Variants in BRD9 observed in about 807,000 individuals in gnomAD.
The protein encoded by BRD9 is bromodomain-containing protein 9.
In BRD9, 47 loss-of-function variants were observed where a neutral mutation model predicts 68.7. That is an observed-to-expected ratio of 0.68 (90% CI 0.54 to 0.87). The LOEUF (loss-of-function observed/expected upper bound fraction) is 0.87, where lower values mean the gene tolerates loss of function less well. Among genes scored for constraint, BRD9 ranks in the 40% least tolerant of loss-of-function variants. The pLI is 0.00. For synonymous variants in BRD9, 313 were observed against 293.9 expected, an observed-to-expected ratio of 1.06 and a Z score of -0.67; for missense variants, 670 against 748.4, an observed-to-expected ratio of 0.90 and a Z score of 1.22.
At chr5:889,553 C>G in intron 4 of BRD9, 34 bp downstream of exon 4, 5 of 1,610,366 alleles carry the variant, frequency 3.1e-6, no homozygotes, top group African/African-American at 1.3e-5. Context: ...CACACCCCCC[C>G]AGACACTAGC....
At chr5:891,094 A>G in intron 3 of BRD9, 61 bp downstream of exon 3, 2 of 1,490,076 alleles carry the variant, frequency 1.3e-6, no homozygotes, top group Non-Finnish European at 1.8e-6. Context: ...CACGGTGCCG[A>G]CCCCTCATTT....
At chr5:865,205 T>C (rs961987099) in intron 15 of BRD9, among the ~76,000 whole-genome samples, 1 of 152,232 alleles carries the variant, frequency 6.6e-6, no homozygotes. Context: ...TAACCCAGCG[T>C]GCGGCCAGGC....
At chr5:891,014 G>T in intron 3 of BRD9, 141 bp downstream of exon 3, 1 of 1,097,924 alleles carries the variant, frequency 9.1e-7, no homozygotes, top group Non-Finnish European at 1.2e-6. Flanking sequence ...TCAGGCCAGA[G>T]GACACCTGGG....
At chr5:892,426 A>C (rs1285573213) in intron 1 of BRD9, 180 bp downstream of exon 1, 1 of 1,346,262 alleles carries the variant, frequency 7.4e-7, no homozygotes, top group Non-Finnish European at 9.7e-7. Context: ...CCTACCCAGG[A>C]CCCCTCACGT....
chr5:887,261 G>A lies in BRD9; in HGVS notation c.717+100C>T. On this transcript the variant is annotated intron_variant, in intron 6 of 15. Coordinates refer to ENST00000467963, the MANE Select transcript of BRD9 (RefSeq NM_023924.5). The stretch of plus-strand genomic sequence containing the variant: ...GGGCAACACCATGAGGGTGGCGGGT[G>A]GATGGAGCACGTGTTCACTGTGAGG... 5 of 993,628 alleles carry A rather than the reference G, an allele frequency of 5.0e-6. No individual in the cohort carries two copies. The South Asian group carries it at 5.6e-5, about 11-fold the overall frequency. The allele number at this position is 993,628 out of a possible 1,614,324, so 61.6% of individuals were successfully genotyped here.
At chr5:884,943 G>C (rs1396104083) in intron 7 of BRD9, among the ~76,000 whole-genome samples, 1 of 152,350 alleles carries the variant, frequency 6.6e-6, no homozygotes, top group South Asian at 2.1e-4. Flanking sequence ...CTGACAGCTG[G>C]GGATCCATCT....
In BRD9 at chr5:871,758, G is replaced by A. The variant is rs562982873; in HGVS notation, c.1384-194C>T. Among the ~76,000 whole-genome samples the A allele has an allele frequency of 5.3e-5, 8 of 152,302 alleles. No homozygotes were observed. In the East Asian group the frequency reaches 1.3e-3, roughly 26 times the overall value. On this transcript the variant is annotated intron_variant, in intron 12 of 15. Transcript: ENST00000467963. ...CATCACCAGTCACTGACCCAACCAC[G>A]CCCAGCCCCCTCCTCAGCGCCAGGA...
chr5:891,012 G>GGTGT, intron 3 of BRD9, 143 bp downstream of exon 3: 1 of 1,086,722 alleles, frequency 9.2e-7, no homozygotes, highest in Admixed American at 3.2e-5. Context: ...CCTCAGGCCA[G>GGTGT]AGGACACCTG....
chr5:889,547 C>T (rs750085430), intron 4 of BRD9, 40 bp downstream of exon 4: 4 of 1,593,304 alleles, frequency 2.5e-6, no homozygotes, highest in Non-Finnish European at 3.4e-6. Flanking sequence ...TGACACCACA[C>T]CCCCCCAGAC....
At chr5:886,532 T>G in intron 7 of BRD9, 60 bp downstream of exon 7, 3 of 1,492,460 alleles carry the variant, frequency 2.0e-6, no homozygotes, top group Non-Finnish European at 2.8e-6. Flanking sequence ...ACAAGGCACC[T>G]GCTTTCCTGG....
intron 1 of BRD9, chr5:892,255 T>C (rs541323485): frequency 1.7e-4 from 77 of 463,198 alleles, no homozygotes; most frequent in African/African-American, 1.5e-3. Context: ...ATGGAGCTGC[T>C]GCGGGAGCAA....
rs1414652547 is a variant in BRD9 at position 892,777 on chromosome 5, G to C, written c.-120C>G. 9.2e-7 allele frequency: 1 copy of C among 1,090,626 alleles called. No homozygotes were observed. 67.6% of individuals were successfully genotyped at this position (1,090,626 alleles called of 1,614,324 possible). A position where few individuals can be genotyped will look rare whatever the true frequency, so the allele number is the denominator to read the frequency against. The stretch of plus-strand genomic sequence containing the variant: ...CCGCGCTCGCTGCGCCGAGGTTGCC[G>C]AGCTCGCTGGGCCGCGCCGGAAACG... On this transcript the variant is annotated 5_prime_UTR_variant, in exon 1 of 16. Coordinates refer to ENST00000467963, the MANE Select transcript of BRD9 (RefSeq NM_023924.5).
chr5:866,703 C>T (rs1334618896), intron 14 of BRD9, among the ~76,000 whole-genome samples: 1 of 152,124 alleles, frequency 6.6e-6, no homozygotes, highest in Non-Finnish European at 1.5e-5. Context: ...GAACTTTGAA[C>T]TTGAGAGAGA....
chr5:875,962 G>A (rs557261194), intron 12 of BRD9, 139 bp downstream of exon 12: 44 of 615,746 alleles, frequency 7.1e-5, no homozygotes, highest in Admixed American at 6.1e-4. Flanking sequence ...AGAGAAGCAC[G>A]CAGATCCTGA....
At chr5:874,845 G>A (rs1366132824) in intron 12 of BRD9, among the ~76,000 whole-genome samples, 1 of 152,242 alleles carries the variant, frequency 6.6e-6, no homozygotes, top group Non-Finnish European at 1.5e-5. Flanking sequence ...AAACTAATCT[G>A]CAGCAGCCTG....
chr5:881,165 C>A lies in BRD9; in HGVS notation c.984G>T (p.Arg328Ser). The change falls in exon 9 of 16, where the codon AGG (arginine) becomes AGT (serine). Residue 328 changes from arginine (R) to serine (S), a missense_variant. Coordinates refer to ENST00000467963, the MANE Select transcript of BRD9 (RefSeq NM_023924.5). ...LPGGKMGYLK[R>S]NGDGSLLYSV... ...TGTAGAGCAGGCTCCCGTCCCCGTTCCTCTTCAGATAGCCCATCTGGAAGG... is the reference window on the plus strand; with the variant it reads ...TGTAGAGCAGGCTCCCGTCCCCGTTACTCTTCAGATAGCCCATCTGGAAGG... 2 of 1,614,056 alleles carry A rather than the reference C, an allele frequency of 1.2e-6. No individual in the cohort carries two copies. Among genetic ancestry groups the A allele is most frequent in the Non-Finnish European group, 1.7e-6 (2 of 1,180,042 alleles).
chr5:889,970 T>C (rs1294849947), intron 3 of BRD9: 1 of 361,604 alleles, frequency 2.8e-6, no homozygotes, highest in African/African-American at 2.1e-5. Context: ...ACAAACGCTC[T>C]GGACATAAAG....
chr5:883,051 C>T, intron 8 of BRD9: 1 of 351,392 alleles, frequency 2.8e-6, no homozygotes, highest in East Asian at 7.7e-5. Context: ...ACCACTGCAA[C>T]TTCCCAACAC....
At chr5:883,823 C>G (rs1752156918) in intron 8 of BRD9, 115 bp downstream of exon 8, 1 of 1,448,280 alleles carries the variant, frequency 6.9e-7, no homozygotes, top group African/African-American at 1.4e-5. Flanking sequence ...GGGCCCCACG[C>G]TGACCTCTGG....
Sources: allele counts gnomAD v4.1 joint callset (sites outside exome capture counted in the v4.1 genomes callset), GRCh38; gene constraint gnomAD v4.1.1; transcripts MANE v1.5; gene names NCBI Gene and HGNC (gene_info 2026-07-23, HGNC 2026-07-21).